The following TRIQK variants were observed in gnomAD, a reference collection of about 807,000 sequenced individuals.
TRIQK encodes the protein triple QxxK/R motif-containing protein.
In TRIQK, 10 loss-of-function variants were observed where a neutral mutation model predicts 10.8. The observed-to-expected ratio is 0.92, with a 90% CI of 0.57 to 1.57. TRIQK has a LOEUF of 1.57. TRIQK is among the 40% of genes most tolerant of loss of function. TRIQK has a pLI of 0.00. For missense variants in TRIQK, 107 were observed against 97.7 expected, an observed-to-expected ratio of 1.09 and a Z score of -0.40; for synonymous variants, 33 against 33.7, an observed-to-expected ratio of 0.98 and a Z score of 0.07.
At chr8:92,959,053 T>C (rs1812314189) in intron 1 of TRIQK, among the ~76,000 whole-genome samples, 1 of 152,100 alleles carries the variant, frequency 6.6e-6, no homozygotes, top group Non-Finnish European at 1.5e-5. Flanking sequence ...TATAAACAAA[T>C]GAGCGTGATT....
chr8:92,924,433 AC>A (rs1386563605), intron 2 of TRIQK, among the ~76,000 whole-genome samples: 1 of 151,948 alleles, frequency 6.6e-6, no homozygotes, highest in Non-Finnish European at 1.5e-5. Flanking sequence ...TACTTCCTTG[AC>A]TTTGACAAGC....
chr8:92,934,490 C>G (rs953445742), intron 2 of TRIQK, among the ~76,000 whole-genome samples: 2 of 151,762 alleles, frequency 1.3e-5, no homozygotes, highest in Admixed American at 1.3e-4. Flanking sequence ...ACAAAGAGCT[C>G]AAGACAACAA....
rs1270794504 is a variant in TRIQK at position 92,885,735 on chromosome 8, T to C, written c.*887A>G. The C allele has an allele frequency of 1.3e-5, 2 of 151,752 alleles. No individual in the cohort carries two copies. Among genetic ancestry groups the C allele is most frequent in the African/African-American group, 4.8e-5 (2 of 41,402 alleles). The allele number at this position is 151,752 out of a possible 1,614,324, so 9.4% of individuals were successfully genotyped here. A position where few individuals can be genotyped will look rare whatever the true frequency, so the allele number is the denominator to read the frequency against. ...AATGTAATTTTATAAAACAACTGTA[T>C]TGTTCAGATTTAGGAGACAACCTAA... On this transcript the variant is annotated 3_prime_UTR_variant, in exon 5 of 5. Coordinates refer to ENST00000521988, the MANE Select transcript of TRIQK (RefSeq NM_001171797.2).
chr8:92,934,648 G>T (rs80128356), intron 2 of TRIQK, among the ~76,000 whole-genome samples: 1 of 151,742 alleles, frequency 6.6e-6, no homozygotes, highest in Non-Finnish European at 1.5e-5. Flanking sequence ...TGTACTAAAC[G>T]CATTCATTAT....
Position 92,884,141 on chromosome 8 carries a change from G to A in TRIQK, c.*2481C>T, listed in dbSNP as rs142538589. The stretch of plus-strand genomic sequence containing the variant: ...ACTCTGAGCAGTGAATTACTGGAGG[G>A]AAGATACCCATGTCTAAAATTTGTG... On this transcript the variant is annotated 3_prime_UTR_variant, in exon 5 of 5. Transcript: ENST00000521988. The A allele has an allele frequency of 6.6e-6, 1 of 151,920 alleles. No individual in the cohort carries two copies. The highest frequency in any genetic ancestry group is 1.9e-4 in the East Asian group (1 of 5,138). 9.4% of individuals were successfully genotyped at this position (151,920 alleles called of 1,614,324 possible).
In TRIQK at chr8:92,886,700, T is replaced by C. The variant is rs765993096; in HGVS notation, c.183A>G (p.Leu61=). Residue 61 remains leucine (L), a synonymous_variant, in exon 5 of 5, where the codon CTA becomes CTG. Transcript: ENST00000521988. ...AAAAGAAAGCATAGAAAGCCAGTAGTAGTGCCAATATAGCTGCAAGTACAA... is the reference window on the plus strand; with the variant it reads ...AAAAGAAAGCATAGAAAGCCAGTAGCAGTGCCAATATAGCTGCAAGTACAA... The part of the protein sequence containing the change: ...VGLVLAAILA[L]LLAFYAFFYL... 1 of 1,532,776 alleles carries C rather than the reference T, an allele frequency of 6.5e-7. No homozygotes were observed. The highest frequency in any genetic ancestry group is 1.2e-5 in the South Asian group (1 of 83,898). 94.9% of individuals were successfully genotyped at this position (1,532,776 alleles called of 1,614,324 possible).
chr8:92,990,862 T>C (rs1271577549), intron 1 of TRIQK, among the ~76,000 whole-genome samples: 1 of 152,068 alleles, frequency 6.6e-6, no homozygotes, highest in Non-Finnish European at 1.5e-5. Flanking sequence ...AGGAGTTTTT[T>C]TTTCATACCC....
intron 2 of TRIQK, among the ~76,000 whole-genome samples, chr8:92,918,156 G>A (rs1041859053): frequency 5.9e-5 from 9 of 151,946 alleles, no homozygotes; most frequent in African/African-American, 1.9e-4. Flanking sequence ...CCATATCTTC[G>A]TTATTGTGAA....
chr8:92,954,579 A>T lies in TRIQK; in HGVS notation c.-180-15T>A. The T allele has an allele frequency of 6.6e-6, 1 of 152,064 alleles. No individual in the cohort carries two copies. Among genetic ancestry groups the T allele is most frequent in the South Asian group, 2.1e-4 (1 of 4,830 alleles). The allele number at this position is 152,064 out of a possible 1,614,324, so 9.4% of individuals were successfully genotyped here. A position where few individuals can be genotyped will look rare whatever the true frequency, so the allele number is the denominator to read the frequency against. On this transcript the variant is annotated splice_polypyrimidine_tract_variant and intron_variant, in intron 1 of 4. Coordinates refer to ENST00000521988, the MANE Select transcript of TRIQK (RefSeq NM_001171797.2). ...GATTTTTCTTACTGAAATTCAAAAC[A>T]AAGTATATAGAAATAGTAAATGGAT...
At chr8:92,950,624 A>G (rs1586485188) in intron 2 of TRIQK, among the ~76,000 whole-genome samples, 1 of 152,220 alleles carries the variant, frequency 6.6e-6, no homozygotes, top group African/African-American at 2.4e-5. Context: ...TGTTCCTCTT[A>G]CTAGAGCAAT....
chr8:92,918,295 C>T (rs1413249337), intron 2 of TRIQK, among the ~76,000 whole-genome samples: 3 of 151,950 alleles, frequency 2.0e-5, no homozygotes, highest in Non-Finnish European at 2.9e-5. Context: ...TGAGGAACCT[C>T]CATATTGTTT....
chr8:92,928,336 G>C (rs969167565), intron 2 of TRIQK, among the ~76,000 whole-genome samples: 1 of 152,174 alleles, frequency 6.6e-6, no homozygotes, highest in Non-Finnish European at 1.5e-5. Flanking sequence ...GGAAAGGTCA[G>C]CTGGCTAGAA....
In TRIQK at chr8:92,894,185, G is replaced by C. The variant is rs1299367072; in HGVS notation, c.62-2111C>G. Among the ~76,000 whole-genome samples the C allele has an allele frequency of 3.3e-5, 5 of 152,124 alleles. No individual in the cohort carries two copies. The East Asian group carries it at 9.7e-4, about 29-fold the overall frequency. On this transcript the variant is annotated intron_variant, in intron 3 of 4. Transcript: ENST00000521988. The stretch of plus-strand genomic sequence containing the variant: ...TATACCTGGTACTTTTCCAAGCAGT[G>C]CATCTGTCATAAATTTAGCATTCTC...
At chr8:92,942,619 T>A (rs1455850289) in intron 2 of TRIQK, among the ~76,000 whole-genome samples, 1 of 152,196 alleles carries the variant, frequency 6.6e-6, no homozygotes, top group Non-Finnish European at 1.5e-5. Context: ...TTTGCAGATG[T>A]CATTATCTTA....
intron 2 of TRIQK, among the ~76,000 whole-genome samples, chr8:92,926,641 T>C (rs1810462227): frequency 6.6e-6 from 1 of 152,110 alleles, no homozygotes; most frequent in Non-Finnish European, 1.5e-5. Flanking sequence ...TCATTTCAAG[T>C]AATAATCATA....
intron 1 of TRIQK, among the ~76,000 whole-genome samples, chr8:92,959,600 C>T (rs943964746): frequency 5.3e-5 from 8 of 151,624 alleles, no homozygotes; most frequent in Non-Finnish European, 7.4e-5. Context: ...AAAGGAAACA[C>T]GAAGTAGTTT....
intron 1 of TRIQK, among the ~76,000 whole-genome samples, chr8:93,001,174 G>T (rs929077014): frequency 6.6e-6 from 1 of 151,882 alleles, no homozygotes; most frequent in Non-Finnish European, 1.5e-5. Flanking sequence ...GGGCATGGTG[G>T]CGGGTAGCTG....
At chr8:92,946,462 A>C (rs1456804976) in intron 2 of TRIQK, among the ~76,000 whole-genome samples, 6 of 152,168 alleles carry the variant, frequency 3.9e-5, no homozygotes, top group Admixed American at 2.0e-4. Flanking sequence ...GAAACTCATA[A>C]ACCAGGACAT....
intron 2 of TRIQK, among the ~76,000 whole-genome samples, chr8:92,946,917 G>A (rs984614800): frequency 1.3e-5 from 2 of 151,610 alleles, no homozygotes; most frequent in African/African-American, 2.4e-5. Context: ...CTGCCACCAC[G>A]CCTGGCTAAT....
Sources: gnomAD v4.1 joint callset for allele counts (sites outside exome capture counted in the v4.1 genomes callset) on GRCh38, gnomAD v4.1.1 for gene constraint, MANE v1.5 for transcripts, NCBI Gene and HGNC (gene_info 2026-07-23, HGNC 2026-07-21) for gene names.